Variants in BIN3 observed in about 807,000 individuals in gnomAD.
BIN3 encodes bridging integrator 3.
A neutral mutation model predicts 38.2 loss-of-function variants in BIN3; 41 were observed. The observed-to-expected ratio is 1.07, with a 90% CI of 0.84 to 1.39. The LOEUF (loss-of-function observed/expected upper bound fraction) is 1.39. Among genes scored for constraint, BIN3 ranks in the 40% most tolerant of loss-of-function variants. The pLI, the probability that BIN3 is intolerant of heterozygous loss-of-function variation, is 0.00. For missense variants in BIN3, 361 were observed against 324.3 expected, an observed-to-expected ratio of 1.11 and a Z score of -0.87; for synonymous variants, 145 against 122.6, an observed-to-expected ratio of 1.18 and a Z score of -1.21.
intron 1 of BIN3, among the ~76,000 whole-genome samples, chr8:22,667,243 T>G (rs1003239056): frequency 6.6e-6 from 1 of 152,168 alleles, no homozygotes; most frequent in Non-Finnish European, 1.5e-5. Context: ...GTTAGACAGT[T>G]GTCAATCTCA....
intron 4 of BIN3, among the ~76,000 whole-genome samples, chr8:22,635,229 CCTT>C (rs1276745281): frequency 9.9e-5 from 15 of 152,176 alleles, no homozygotes; most frequent in African/African-American, 1.7e-4. Context: ...CTCTCCACCT[CCTT>C]ATTTTTATTG....
chr8:22,621,926 C>T (rs1351342693), intron 8 of BIN3, among the ~76,000 whole-genome samples: 1 of 152,244 alleles, frequency 6.6e-6, no homozygotes, highest in African/African-American at 2.4e-5. Context: ...AGGCTTTTGT[C>T]CATGGCAGAA....
At chr8:22,634,381 CCA>C (rs1395093695) in intron 4 of BIN3, 7 of 423,632 alleles carry the variant, frequency 1.7e-5, no homozygotes, top group Non-Finnish European at 2.8e-5. Context: ...ACCAAGACGG[CCA>C]CAGTCCCTGC....
At chr8:22,627,179 C>G (rs940747835) in intron 6 of BIN3, among the ~76,000 whole-genome samples, 4 of 152,314 alleles carry the variant, frequency 2.6e-5, no homozygotes, top group African/African-American at 9.6e-5. Flanking sequence ...TAAATTACAA[C>G]CACGGTGGGG....
intron 2 of BIN3, among the ~76,000 whole-genome samples, chr8:22,639,388 T>C (rs1328706046): frequency 2.0e-5 from 3 of 152,172 alleles, no homozygotes; most frequent in Non-Finnish European, 4.4e-5. Flanking sequence ...TATGCCATTA[T>C]GCCTGGCTAA....
At chr8:22,622,824 G>A (rs1371819345) in intron 8 of BIN3, 1 of 151,810 alleles carries the variant, frequency 6.6e-6, no homozygotes, top group Admixed American at 6.5e-5. Flanking sequence ...CAAGTGTCAG[G>A]AGAAGTCCCT....
rs756573183 is a variant in BIN3 at position 22,627,820 on chromosome 8, G to A, written c.338+2144C>T. On this transcript the variant is annotated intron_variant, in intron 6 of 8. Transcript: ENST00000276416. ...TCAGACAGCCCACCGAGCATGCCCCGCTCCATGGTCCTGCACCACGCTGGC... is the reference window on the plus strand; with the variant it reads ...TCAGACAGCCCACCGAGCATGCCCCACTCCATGGTCCTGCACCACGCTGGC... Among the ~76,000 whole-genome samples, 40 of 152,338 alleles carry A rather than the reference G, an allele frequency of 2.6e-4. 1 individual carries two copies. Among genetic ancestry groups the A allele is most frequent in the Middle Eastern group, 3.4e-3 (1 of 294 alleles).
At chr8:22,641,161 T>G (rs1802544929) in intron 2 of BIN3, among the ~76,000 whole-genome samples, 1 of 152,136 alleles carries the variant, frequency 6.6e-6, no homozygotes, top group South Asian at 2.1e-4. Context: ...CTTGATGCCT[T>G]TGCCAAAAAG....
rs377328266 is a variant in BIN3, at chr8:22,628,033, C to T, written c.338+1931G>A. Among the ~76,000 whole-genome samples, 3 of 152,354 alleles carry T rather than the reference C, an allele frequency of 2.0e-5. No homozygotes were observed. In the East Asian group the frequency reaches 5.8e-4, roughly 29 times the overall value. ...CCTAAGGCTCAATATCAAACTCACT[C>T]CCCTGGGGATGGGAGGGGCGAAGAG... On this transcript the variant is annotated intron_variant, in intron 6 of 8. Coordinates refer to ENST00000276416, the MANE Select transcript of BIN3 (RefSeq NM_018688.6).
Position 22,630,433 on chromosome 8 carries a change from C to T in BIN3, c.297+9G>A, listed in dbSNP as rs1585181429. ...CATGCTTGCCCACCCCACACCAAGA[C>T]CTAGTCACCTTTTCCTGATTGAAGG... On this transcript the variant is annotated intron_variant, in intron 5 of 8. Transcript: ENST00000276416. 6.2e-7 allele frequency: 1 copy of T among 1,613,842 alleles called. No individual in the cohort carries two copies. The highest frequency in any genetic ancestry group is 1.1e-5 in the South Asian group (1 of 91,070).
chr8:22,634,273 A>G, intron 4 of BIN3: 3 of 303,046 alleles, frequency 9.9e-6, no homozygotes, highest in South Asian at 8.0e-5. Flanking sequence ...GGCTTGTGAC[A>G]CACATAGTTT....
intron 2 of BIN3, among the ~76,000 whole-genome samples, chr8:22,640,887 C>T (rs1276034883): frequency 1.3e-5 from 2 of 152,168 alleles, no homozygotes; most frequent in South Asian, 2.1e-4. Context: ...GGTGGGAGCG[C>T]GTTTTCTACT....
At chr8:22,650,009 T>A (rs1383819421) in intron 1 of BIN3, among the ~76,000 whole-genome samples, 6 of 152,200 alleles carry the variant, frequency 3.9e-5, no homozygotes, top group Non-Finnish European at 7.4e-5. Context: ...ATTTTCACTC[T>A]CCTGATTTTT....
intron 2 of BIN3, among the ~76,000 whole-genome samples, chr8:22,644,032 C>T (rs915968977): frequency 6.6e-6 from 1 of 152,214 alleles, no homozygotes; most frequent in Non-Finnish European, 1.5e-5. Flanking sequence ...CGCCTGAGTT[C>T]TAACTCCAGC....
chr8:22,637,058 T>TC lies in BIN3; in HGVS notation c.58-97dup, dbSNP rs1461111420. 3.8e-5 allele frequency: 43 copies of TC among 1,121,518 alleles called. 1 individual carries two copies. Among genetic ancestry groups the TC allele is most frequent in the Middle Eastern group, 3.9e-4 (2 of 5,156 alleles). 69.5% of individuals were successfully genotyped at this position (1,121,518 alleles called of 1,614,324 possible). A position where few individuals can be genotyped will look rare whatever the true frequency, so the allele number is the denominator to read the frequency against. On this transcript the variant is annotated intron_variant, in intron 2 of 8. Transcript: ENST00000276416. ...AAACTCTCTCCACACCCTGCCCCAG[T>TC]CCGCAGAAAACAACATGGTCCAGTT...
chr8:22,624,520 C>T (rs1801948998), intron 6 of BIN3, 157 bp from the exon 7 acceptor site: 7 of 930,530 alleles, frequency 7.5e-6, no homozygotes, highest in Non-Finnish European at 1.1e-5. Flanking sequence ...GCCCTGAGCA[C>T]CTACCAAGCG....
chr8:22,636,650 G>GT, intron 3 of BIN3, 64 bp from the exon 4 acceptor site: 3 of 1,508,504 alleles, frequency 2.0e-6, no homozygotes, highest in Non-Finnish European at 2.7e-6. Context: ...CGAAGCCCAG[G>GT]TGCTCTGGAG....
In BIN3 at chr8:22,623,961, C is replaced by T. The variant is rs778507963; in HGVS notation, c.569G>A (p.Arg190His). 2.2e-5 allele frequency: 36 copies of T among 1,611,036 alleles called. No homozygotes were observed. The highest frequency in any genetic ancestry group is 1.5e-4 in the South Asian group (14 of 90,858). ...AAAGCTGGGCTGGAAGTAGTCGAGGCGGCTGCCGTAGAAGCGCGGCATCTC... is the reference window on the plus strand; with the variant it reads ...AAAGCTGGGCTGGAAGTAGTCGAGGTGGCTGCCGTAGAAGCGCGGCATCTC... ...LEEMPRFYGS[R>H]LDYFQPSFES... The change falls in exon 8 of 9, where the codon CGC becomes CAC. Residue 190 changes from arginine to histidine, a missense_variant. Physicochemically the swap from Arg to His is conservative, Grantham distance 29. Coordinates refer to ENST00000276416, the MANE Select transcript of BIN3 (RefSeq NM_018688.6).
intron 1 of BIN3, among the ~76,000 whole-genome samples, chr8:22,650,428 C>T (rs917513503): frequency 6.6e-6 from 1 of 152,162 alleles, no homozygotes; most frequent in Non-Finnish European, 1.5e-5. Flanking sequence ...TCTACTAAAT[C>T]CGCCTTTTGT....
Sources: allele counts gnomAD v4.1 joint callset (sites outside exome capture counted in the v4.1 genomes callset), GRCh38; gene constraint gnomAD v4.1.1; transcripts MANE v1.5; gene names NCBI Gene and HGNC (gene_info 2026-07-23, HGNC 2026-07-21).